SNX27: variants seen among roughly 807,000 people sequenced by gnomAD.
The protein encoded by SNX27 is sorting nexin 27.
Under a neutral mutation model 71.6 loss-of-function variants are expected in SNX27, and 22 were observed. That is an observed-to-expected ratio of 0.31 (90% CI 0.22 to 0.44). The LOEUF (loss-of-function observed/expected upper bound fraction) is 0.44. SNX27 is among the 20% of genes least tolerant of loss of function. SNX27 has a pLI of 1.00. For missense variants in SNX27, 531 were observed against 698.6 expected (o/e 0.76, Z 2.70); for synonymous variants, 269 against 277.2 (o/e 0.97, Z 0.29).
chr1:151,687,696 C>A (rs574502733), intron 8 of SNX27, among the ~76,000 whole-genome samples: 5 of 152,128 alleles, frequency 3.3e-5, no homozygotes, highest in African/African-American at 9.7e-5. Flanking sequence ...CGCCTATAAT[C>A]CCAGCACTTT....
intron 6 of SNX27, 96 bp downstream of exon 6, chr1:151,666,107 C>CA (rs1177126556): frequency 2.0e-5 from 17 of 860,700 alleles, no homozygotes; most frequent in Non-Finnish European, 2.7e-5. Flanking sequence ...GGAGATCCCA[C>CA]TCATTAGAAC....
chr1:151,685,777 TG>T (rs1671171505), intron 8 of SNX27, among the ~76,000 whole-genome samples: 1 of 152,238 alleles, frequency 6.6e-6, no homozygotes, highest in Non-Finnish European at 1.5e-5. Context: ...TAATCATTTA[TG>T]TGATGAAAAG....
At chr1:151,693,314 T>C in intron 10 of SNX27, 110 bp from the exon 11 acceptor site, 1 of 1,170,130 alleles carries the variant, frequency 8.5e-7, no homozygotes, top group African/African-American at 1.5e-5. Flanking sequence ...TCAGGGTTTT[T>C]CTCTAGACTG....
chr1:151,639,836 C>T (rs1558045507), intron 2 of SNX27, among the ~76,000 whole-genome samples: 1 of 152,114 alleles, frequency 6.6e-6, no homozygotes, highest in Non-Finnish European at 1.5e-5. Flanking sequence ...CTTTTGGTTG[C>T]AATATGCTTT....
intron 2 of SNX27, among the ~76,000 whole-genome samples, chr1:151,656,869 A>G (rs1356448080): frequency 6.6e-6 from 1 of 152,218 alleles, no homozygotes; most frequent in Non-Finnish European, 1.5e-5. Context: ...AGTCCTTTGA[A>G]GTATCATTCA....
At chr1:151,692,844 C>T (rs1671520497) in intron 9 of SNX27, 67 bp from the exon 10 acceptor site, 11 of 1,604,964 alleles carry the variant, frequency 6.9e-6, no homozygotes, top group Admixed American at 3.4e-5. Flanking sequence ...GTTCAGAACC[C>T]CCTACCTCAG....
At chr1:151,650,669 T>C (rs1167502857) in intron 2 of SNX27, among the ~76,000 whole-genome samples, 7 of 152,132 alleles carry the variant, frequency 4.6e-5, no homozygotes, top group Admixed American at 6.6e-5. Context: ...GGCAGGGTCA[T>C]AGGACAATAG....
chr1:151,640,667 G>A lies in SNX27; in HGVS notation c.543+1548G>A, dbSNP rs1050295464. ...TGGGATTACAGGTATGAGACACTGC[G>A]CCCAGCCCACTAATTGTACTTTTCA... On this transcript the variant is annotated intron_variant, in intron 2 of 11. Coordinates refer to ENST00000458013, the MANE Select transcript of SNX27 (RefSeq NM_001330723.2). Among the ~76,000 whole-genome samples the A allele has an allele frequency of 4.6e-5, 7 of 152,098 alleles. No individual in the cohort carries two copies. The East Asian group carries it at 7.7e-4, about 17-fold the overall frequency.
intron 7 of SNX27, among the ~76,000 whole-genome samples, chr1:151,674,170 A>C (rs569148803): frequency 3.3e-5 from 5 of 151,748 alleles, no homozygotes; most frequent in Non-Finnish European, 7.4e-5. Context: ...CTGTGGTGAT[A>C]TGATTTAGTT....
intron 6 of SNX27, among the ~76,000 whole-genome samples, chr1:151,668,005 A>G (rs183628405): frequency 1.8e-4 from 27 of 152,272 alleles, no homozygotes; most frequent in Admixed American, 1.7e-3. Context: ...TGGGTAATTT[A>G]TAAAGAAAAA....
chr1:151,646,346 T>C (rs571120947), intron 2 of SNX27, among the ~76,000 whole-genome samples: 3 of 152,190 alleles, frequency 2.0e-5, no homozygotes, highest in South Asian at 4.1e-4. Flanking sequence ...CTACTTACCT[T>C]TAGTATAATT....
intron 1 of SNX27, among the ~76,000 whole-genome samples, chr1:151,628,233 C>G (rs1478038214): frequency 6.6e-6 from 1 of 152,080 alleles, no homozygotes; most frequent in African/African-American, 2.4e-5. Flanking sequence ...TGTCAAACTC[C>G]TGACCTCAGG....
intron 4 of SNX27, 193 bp downstream of exon 4, chr1:151,661,055 C>G: frequency 1.9e-6 from 1 of 512,934 alleles, no homozygotes; most frequent in Non-Finnish European, 3.5e-6. Flanking sequence ...AAGTGCCAGG[C>G]CCACTTTCTC....
chr1:151,680,614 C>T (rs12723990), intron 7 of SNX27, among the ~76,000 whole-genome samples: 1 of 152,110 alleles, frequency 6.6e-6, no homozygotes, highest in African/African-American at 2.4e-5. Context: ...AGACATAGTT[C>T]TAGGCGTTAG....
At chr1:151,693,700 T>C in intron 11 of SNX27, 17 of 1,610,876 alleles carry the variant, frequency 1.1e-5, no homozygotes, top group Non-Finnish European at 1.4e-5. Context: ...CTTCTTCCCT[T>C]GTCTAGAGGG....
intron 5 of SNX27, 126 bp from the exon 6 acceptor site, chr1:151,665,807 A>C (rs1670164194): frequency 1.3e-5 from 8 of 632,190 alleles, no homozygotes; most frequent in Non-Finnish European, 2.7e-6. Flanking sequence ...CCATTAATGC[A>C]ATTTTTGTGA....
chr1:151,632,027 T>A (rs924852689), intron 1 of SNX27, among the ~76,000 whole-genome samples: 1 of 152,172 alleles, frequency 6.6e-6, no homozygotes, highest in African/African-American at 2.4e-5. Flanking sequence ...GAATCTGAAT[T>A]ATGTTTGTAA....
In SNX27 at chr1:151,643,136, G is replaced by C. The variant is rs531474627; in HGVS notation, c.543+4017G>C. Reference sequence around the variant, plus strand: ...TGTGCCACCACACCCGGCCAATTTTGTATTTTTAGTAGAGACAGGGTTTCT... The same window carrying C: ...TGTGCCACCACACCCGGCCAATTTTCTATTTTTAGTAGAGACAGGGTTTCT... On this transcript the variant is annotated intron_variant, in intron 2 of 11. Transcript: ENST00000458013. 9.4e-5 allele frequency among the ~76,000 whole-genome samples: 14 copies of C among 149,632 alleles called. No homozygotes were observed. The South Asian group carries it at 2.5e-3, about 27-fold the overall frequency.
At chr1:151,651,487 A>G (rs1184420531) in intron 2 of SNX27, among the ~76,000 whole-genome samples, 8 of 139,304 alleles carry the variant, frequency 5.7e-5, no homozygotes, top group Non-Finnish European at 1.1e-4. Context: ...TTCTCAGACG[A>G]GGCGGTTGCC....
Sources: gnomAD v4.1 joint callset for allele counts (sites outside exome capture counted in the v4.1 genomes callset) on GRCh38, gnomAD v4.1.1 for gene constraint, MANE v1.5 for transcripts, NCBI Gene and HGNC (gene_info 2026-07-23, HGNC 2026-07-21) for gene names.